The following FN1 variants were observed in gnomAD, a reference collection of about 807,000 sequenced individuals.
FN1 encodes the protein fibronectin.
In FN1, 106 loss-of-function variants were observed where a neutral mutation model predicts 297.3. The observed-to-expected ratio is 0.36, with a 90% CI of 0.30 to 0.42. The LOEUF is 0.42. FN1 is among the 10% of genes least tolerant of loss of function. FN1 has a pLI of 1.00. For missense variants in FN1, 2,690 were observed against 3,124.9 expected (o/e 0.86, Z 3.32); for synonymous variants, 1,149 against 1,152.6 (o/e 1.00, Z 0.06).
At chr2:215,412,539 C>T (rs1447100532) in intron 13 of FN1, among the ~76,000 whole-genome samples, 6 of 152,030 alleles carry the variant, frequency 3.9e-5, no homozygotes, top group East Asian at 1.9e-4. Flanking sequence ...CAAGCTCAAG[C>T]GATCCTTCCG....
chr2:215,414,904 G>A lies in FN1; in HGVS notation c.1874C>T (p.Ser625Phe). ...FITETPSQPN[S>F]HPIQWNAPQP... ...TGGTGCATTCCACTGGATGGGGTGG[G>A]AGTTGGGCTGACTCGGAGTCTCAGT... Residue 625 changes from serine (S) to phenylalanine (F), a missense_variant, in exon 13 of 46, where the codon TCC (serine) becomes TTC (phenylalanine). By Grantham distance (155) the Ser-to-Phe change is radical. Coordinates refer to ENST00000354785, the MANE Select transcript of FN1 (RefSeq NM_212482.4). The A allele has an allele frequency of 1.2e-6, 2 of 1,613,910 alleles. No homozygotes were observed. The highest frequency in any genetic ancestry group is 1.7e-6 in the Non-Finnish European group (2 of 1,179,850).
At position 215,361,343 on chromosome 2, in the gene FN1, AATGTGCAGCCCTCATTT is replaced by A; in HGVS notation, c.*195_*211del. On this transcript the variant is annotated 3_prime_UTR_variant, in exon 46 of 46. Transcript: ENST00000354785. ...TTGAATACTTCGAAGCAGAACAGGC[AATGTGCAGCCCTCATTT>A]ATGAGAAAACCCTCAGGAAACTCCC... 1 of 597,968 alleles carries A rather than the reference AATGTGCAGCCCTCATTT, an allele frequency of 1.7e-6. No individual in the cohort carries two copies. Among genetic ancestry groups the A allele is most frequent in the Non-Finnish European group, 3.0e-6 (1 of 333,926 alleles). 37.0% of individuals were successfully genotyped at this position (597,968 alleles called of 1,614,324 possible).
At position 215,393,140 on chromosome 2, in the gene FN1, C is replaced by T; in HGVS notation, c.3860G>A (p.Trp1287Ter). The T allele has an allele frequency of 6.2e-7, 1 of 1,613,954 alleles. No homozygotes were observed. The highest frequency in any genetic ancestry group is 8.5e-7 in the Non-Finnish European group (1 of 1,179,982). ...DITDSSIGLR[W>*]TPLNSSTIIG... ...AATGGTGGAAGAGTTTAGCGGGGTC[C>T]ACCTCAGGCCGATGCTTGAATCGGT... Residue 1287 changes from tryptophan to a stop codon, truncating the protein, a stop_gained, in exon 25 of 46, where the codon TGG (tryptophan) becomes TAG (stop). Transcript: ENST00000354785. LOFTEE classifies it high-confidence loss of function.
At position 215,362,032 on chromosome 2, in the gene FN1, G is replaced by A. The variant is rs1028557072; in HGVS notation, c.7299C>T (p.Pro2433=). 9.3e-6 allele frequency: 15 copies of A among 1,613,998 alleles called. No homozygotes were observed. The highest frequency in any genetic ancestry group is 8.0e-5 in the African/African-American group (6 of 74,896). Residue 2433 remains proline (P), a synonymous_variant, in exon 45 of 46, where the codon CCC becomes CCT. Coordinates refer to ENST00000354785, the MANE Select transcript of FN1 (RefSeq NM_212482.4). ...NCRRPGGEPS[P]EGTTGQSYNQ... ...TGTAGGACTGGCCAGTAGTGCCTTC[G>A]GGACTGGGTTCACCCCCAGGTCTGC...
chr2:215,371,395 T>G (rs1469486918), intron 40 of FN1, among the ~76,000 whole-genome samples: 1 of 151,506 alleles, frequency 6.6e-6, no homozygotes, highest in Non-Finnish European at 1.5e-5. Flanking sequence ...TTGTAGATAG[T>G]GGGGTTCTTC....
At chr2:215,394,475 C>T in intron 24 of FN1, 53 bp downstream of exon 24, 1 of 1,407,120 alleles carries the variant, frequency 7.1e-7, no homozygotes, top group South Asian at 1.2e-5. Context: ...GATGCTAATC[C>T]CCACTCTTAT....
Position 215,375,639 on chromosome 2 carries a change from G to T in FN1, c.5967C>A (p.Asp1989Glu). The change falls in exon 37 of 46, where the codon GAC becomes GAA. Residue 1989 changes from aspartate to glutamate, a missense_variant. Transcript: ENST00000354785. Reference protein sequence around the residue: ...DNARSSPVVIDASTAIDAPSN... With the variant: ...DNARSSPVVIEASTAIDAPSN... ...AGAAGGTATAGTTACCAGTGGAGGC[G>T]TCGATGACCACAGGGGAGCTCCGAG... The T allele has an allele frequency of 6.2e-7, 1 of 1,608,738 alleles. No homozygotes were observed. Among genetic ancestry groups the T allele is most frequent in the Non-Finnish European group, 8.5e-7 (1 of 1,175,122 alleles).
Position 215,375,705 on chromosome 2 carries a change from G to T in FN1, c.5901C>A (p.Gly1967=). 4 of 1,609,262 alleles carry T rather than the reference G, an allele frequency of 2.5e-6. No homozygotes were observed. The highest frequency in any genetic ancestry group is 1.3e-5 in the African/African-American group (1 of 74,964). Residue 1967 remains glycine, a synonymous_variant, in exon 37 of 46, where the codon GGC becomes GGA. Coordinates refer to ENST00000354785, the MANE Select transcript of FN1 (RefSeq NM_212482.4). ...RSYTITGLQP[G]TDYKIYLYTL... Reference sequence around the variant, plus strand: ...TGTACAGGTAGATCTTGTAGTCAGTGCCTGGTTGTAAACCTGGGATTTGAG... The same window carrying T: ...TGTACAGGTAGATCTTGTAGTCAGTTCCTGGTTGTAAACCTGGGATTTGAG...
At position 215,431,882 on chromosome 2, in the gene FN1, C is replaced by T; in HGVS notation, c.498G>A (p.Glu166=). The T allele has an allele frequency of 6.2e-7, 1 of 1,614,182 alleles. No homozygotes were observed. Among genetic ancestry groups the T allele is most frequent in the Non-Finnish European group, 8.5e-7 (1 of 1,180,002 alleles). Residue 166 remains glutamate, a synonymous_variant, in exon 4 of 46, where the codon GAG becomes GAA. Coordinates refer to ENST00000354785, the MANE Select transcript of FN1 (RefSeq NM_212482.4). ...RPHETGGYML[E]CVCLGNGKGE... is the part of the protein sequence containing the mutation. ...CTTTTCCATTACCAAGACACACACA[C>T]TCTAACATGTAACCACCAGTCTCAT... is the stretch of plus-strand genomic sequence containing the variant.
chr2:215,435,677 C>G lies in FN1; in HGVS notation c.126G>C (p.Pro42=). 1 of 1,613,506 alleles carries G rather than the reference C, an allele frequency of 6.2e-7. No individual in the cohort carries two copies. The highest frequency in any genetic ancestry group is 8.5e-7 in the Non-Finnish European group (1 of 1,179,944). Residue 42 remains proline, a synonymous_variant, in exon 1 of 46, where the codon CCG becomes CCC. Coordinates refer to ENST00000354785, the MANE Select transcript of FN1 (RefSeq NM_212482.4). ...QAQQMVQPQS[P]VAVSQSKPGC... ...CACGCTTGCTTTGACTGACAGCCACCGGGGACTGGGGCTGAACCATTTGCT... is the reference window on the plus strand; with the variant it reads ...CACGCTTGCTTTGACTGACAGCCACGGGGGACTGGGGCTGAACCATTTGCT...
Position 215,419,319 on chromosome 2 carries a change from T to G in FN1, c.1742A>C (p.His581Pro). ...GCAGTAGCACTGGTATCTGACACCA[T>G]GCACATACTTCTCCCATGAATCTCC... ...QIGDSWEKYV[H>P]GVRYQCYCYG... is the part of the protein sequence containing the mutation. The change falls in exon 12 of 46, where the codon CAT becomes CCT. Residue 581 changes from histidine (H) to proline (P), a missense_variant. Physicochemically the swap from His to Pro is moderately conservative, Grantham distance 77. Around this residue, in one of 3 missense-constraint regions of FN1, gnomAD observed 876 missense variants for 1,058.1 expected, o/e 0.83. Coordinates refer to ENST00000354785, the MANE Select transcript of FN1 (RefSeq NM_212482.4). 1 of 1,612,676 alleles carries G rather than the reference T, an allele frequency of 6.2e-7. No individual in the cohort carries two copies. Among genetic ancestry groups the G allele is most frequent in the Non-Finnish European group, 8.5e-7 (1 of 1,178,664 alleles).
In FN1 at chr2:215,370,371, T is replaced by A; in HGVS notation, c.6776A>T (p.Tyr2259Phe). ...TLTGLTRGAT[Y>F]NVIVEALKDQ... ...TTTCAGTGCCTCCACTATGACGTTG[T>A]AGGTGGCACCTCTGGTGAGGCCTGT... The change falls in exon 41 of 46, where the codon TAC (tyrosine) becomes TTC (phenylalanine). Residue 2259 changes from tyrosine (Y) to phenylalanine (F), a missense_variant. Transcript: ENST00000354785. The A allele has an allele frequency of 6.2e-7, 1 of 1,613,618 alleles. No homozygotes were observed. Among genetic ancestry groups the A allele is most frequent in the East Asian group, 2.2e-5 (1 of 44,864 alleles).
chr2:215,383,839 C>T (rs906402566), intron 30 of FN1, among the ~76,000 whole-genome samples, 181 bp downstream of exon 30: 4 of 152,150 alleles, frequency 2.6e-5, no homozygotes, highest in Non-Finnish European at 4.4e-5. Context: ...AACTTCCTGC[C>T]CTTGGGGTGC....
At position 215,414,910 on chromosome 2, in the gene FN1, G is replaced by A. The variant is rs2106351017; in HGVS notation, c.1868C>T (p.Pro623Leu). The change falls in exon 13 of 46, where the codon CCC (proline) becomes CTC (leucine). Residue 623 changes from proline to leucine, a missense_variant. Physicochemically the swap from Pro to Leu is moderately conservative, Grantham distance 98. Around this residue, in one of 3 missense-constraint regions of FN1, gnomAD observed 876 missense variants for 1,058.1 expected, o/e 0.83. Coordinates refer to ENST00000354785, the MANE Select transcript of FN1 (RefSeq NM_212482.4). Reference protein sequence around the residue: ...EVFITETPSQPNSHPIQWNAP... With the variant: ...EVFITETPSQLNSHPIQWNAP... Reference sequence around the variant, plus strand: ...ATTCCACTGGATGGGGTGGGAGTTGGGCTGACTCGGAGTCTCAGTGATAAA... The same window carrying A: ...ATTCCACTGGATGGGGTGGGAGTTGAGCTGACTCGGAGTCTCAGTGATAAA... The A allele has an allele frequency of 1.2e-6, 2 of 1,613,886 alleles. No homozygotes were observed. Among genetic ancestry groups the A allele is most frequent in the East Asian group, 4.5e-5 (2 of 44,866 alleles).
chr2:215,419,752 CAAT>C (rs2106393036), intron 11 of FN1, among the ~76,000 whole-genome samples: 1 of 152,202 alleles, frequency 6.6e-6, no homozygotes, highest in African/African-American at 2.4e-5. Flanking sequence ...AAAAAATCTG[CAAT>C]AATTTCATTT....
chr2:215,430,558 G>A lies in FN1; in HGVS notation c.685+157C>T, dbSNP rs7560662. On this transcript the variant is annotated intron_variant, in intron 5 of 45. Coordinates refer to ENST00000354785, the MANE Select transcript of FN1 (RefSeq NM_212482.4). ...TTTATGTAGTCTTCTCTGAAGATGC[G>A]GAATAAGTTGGTTATGAAAGTTTTC... Among the ~76,000 whole-genome samples, 33,574 of 152,084 alleles carry A rather than the reference G, an allele frequency of 0.22. 4,022 individuals carry two copies. The highest frequency in any genetic ancestry group is 0.25 in the Non-Finnish European group (16,800 of 68,000).
chr2:215,364,934 C>T lies in FN1; in HGVS notation c.7196G>A (p.Trp2399Ter). The T allele has an allele frequency of 6.3e-7, 1 of 1,578,894 alleles. No homozygotes were observed. The highest frequency in any genetic ancestry group is 1.3e-5 in the African/African-American group (1 of 74,696). The change falls in exon 44 of 46, where the codon TGG (tryptophan) becomes TAG (stop). Residue 2399 changes from tryptophan to a stop codon, truncating the protein, a stop_gained. Coordinates refer to ENST00000354785, the MANE Select transcript of FN1 (RefSeq NM_212482.4). LOFTEE classifies it high-confidence loss of function. ...AATGGCACCGAGATATTCCTTCTGC[C>T]ACTGTTCTCCTACGTGGTATGTCTT... The part of the protein sequence containing the change: ...DGKTYHVGEQ[W>*]QKEYLGAICS...
In FN1 at chr2:215,428,283, G is replaced by C; in HGVS notation, c.741C>G (p.Ser247Arg). The C allele has an allele frequency of 6.2e-7, 1 of 1,614,058 alleles. No individual in the cohort carries two copies. The change falls in exon 6 of 46, where the codon AGC becomes AGG. Residue 247 changes from serine (S) to arginine (R), a missense_variant. By Grantham distance (110) the Ser-to-Arg change is moderately radical. Transcript: ENST00000354785. ...RTSYRIGDTWSKKDNRGNLLQ... is the reference protein window; with the variant it reads ...RTSYRIGDTWRKKDNRGNLLQ... ...GCAGGTTTCCTCGATTATCCTTCTT[G>C]CTCCAGGTGTCTCCAATTCTATAGG...
At position 215,379,302 on chromosome 2, in the gene FN1, G is replaced by A. The variant is rs757248315; in HGVS notation, c.5450C>T (p.Thr1817Ile). 1.9e-6 allele frequency: 3 copies of A among 1,613,944 alleles called. No homozygotes were observed. The highest frequency in any genetic ancestry group is 2.2e-5 in the South Asian group (2 of 91,086). The change falls in exon 34 of 46, where the codon ACT becomes ATT. Residue 1817 changes from threonine (T) to isoleucine (I), a missense_variant. Coordinates refer to ENST00000354785, the MANE Select transcript of FN1 (RefSeq NM_212482.4). Reference protein sequence around the residue: ...GTQSTAIPAPTDLKFTQVTPT... With the variant: ...GTQSTAIPAPIDLKFTQVTPT... ...TGTGACCTGAGTGAACTTCAGGTCA[G>A]TTGGTGCAGGAATAGCTGTCGAGAT...
Sources: allele counts gnomAD v4.1 joint callset (sites outside exome capture counted in the v4.1 genomes callset), GRCh38; gene constraint gnomAD v4.1.1; regional missense constraint gnomAD v4.1.1; transcripts MANE v1.5; gene names NCBI Gene and HGNC (gene_info 2026-07-23, HGNC 2026-07-21).